MCC: variants seen among roughly 807,000 people sequenced by gnomAD.
The protein encoded by MCC is colorectal mutant cancer protein.
Under a neutral mutation model 116.2 loss-of-function variants are expected in MCC, and 90 were observed. That is an observed-to-expected ratio of 0.77 (90% CI 0.65 to 0.92). The LOEUF (loss-of-function observed/expected upper bound fraction) is 0.92. Among genes scored for constraint, MCC ranks in the 40% least tolerant of loss-of-function variants. The pLI, the probability that MCC is intolerant of heterozygous loss-of-function variation, is 0.00. For missense variants in MCC, 1,516 were observed against 1,312.2 expected (o/e 1.16, Z -2.40); for synonymous variants, 578 against 510.5 (o/e 1.13, Z -1.78).
intron 3 of MCC, among the ~76,000 whole-genome samples, chr5:113,235,552 A>C (rs1764097502): frequency 6.6e-6 from 1 of 152,222 alleles, no homozygotes; most frequent in Admixed American, 6.5e-5. Flanking sequence ...CTGAGTGGGG[A>C]AACACAAATA....
chr5:113,408,935 T>G (rs947048033), intron 1 of MCC, among the ~76,000 whole-genome samples: 2 of 152,210 alleles, frequency 1.3e-5, no homozygotes, highest in African/African-American at 4.8e-5. Flanking sequence ...AAGGCTTTAT[T>G]TGAATGAAGT....
At position 113,198,541 on chromosome 5, in the gene MCC, A is replaced by T. The variant is rs1262566796; in HGVS notation, c.628-47119T>A. On this transcript the variant is annotated intron_variant, in intron 3 of 18. Transcript: ENST00000408903. ...GAGACTCTGTCCCTACAAATAATTAAAAAAAAAAAAAAAATAGCCGGGCAT... is the reference window on the plus strand; with the variant it reads ...GAGACTCTGTCCCTACAAATAATTATAAAAAAAAAAAAAATAGCCGGGCAT... 6.0e-3 allele frequency among the ~76,000 whole-genome samples: 258 copies of T among 42,668 alleles called. 1 individual carries two copies. In the African/African-American group the frequency reaches 0.083, roughly 14 times the overall value. The allele number at this position is 42,668 out of a possible 152,430, so 28.0% of individuals were successfully genotyped here. A position where few individuals can be genotyped will look rare whatever the true frequency, so the allele number is the denominator to read the frequency against.
chr5:113,153,471 G>T (rs1292217216), intron 3 of MCC, among the ~76,000 whole-genome samples: 1 of 152,194 alleles, frequency 6.6e-6, no homozygotes, highest in African/African-American at 2.4e-5. Flanking sequence ...AGAGCACCGG[G>T]CTTAGAGTGA....
intron 17 of MCC, among the ~76,000 whole-genome samples, chr5:113,032,809 A>T (rs565204236): frequency 5.3e-5 from 8 of 152,218 alleles, no homozygotes; most frequent in Non-Finnish European, 1.2e-4. Context: ...GCCAGCCAAA[A>T]CAGCAAACCC....
chr5:113,408,480 C>A (rs528273633), intron 1 of MCC, among the ~76,000 whole-genome samples: 3 of 152,190 alleles, frequency 2.0e-5, no homozygotes, highest in Non-Finnish European at 4.4e-5. Flanking sequence ...TCAGCCCAAT[C>A]TTTACCTGAC....
chr5:113,085,381 G>A (rs562899637), intron 8 of MCC, 71 bp from the exon 9 acceptor site: 3 of 1,463,848 alleles, frequency 2.0e-6, no homozygotes, highest in South Asian at 2.6e-5. Flanking sequence ...CAGATGGGTA[G>A]GTGGTGGGGC....
At chr5:113,192,546 G>A (rs557819058) in intron 3 of MCC, among the ~76,000 whole-genome samples, 1 of 152,322 alleles carries the variant, frequency 6.6e-6, no homozygotes, top group Admixed American at 6.5e-5. Context: ...ACATGCATGG[G>A]CTTTGGATCG....
At chr5:113,468,146 C>G (rs575973262) in intron 1 of MCC, among the ~76,000 whole-genome samples, 1 of 152,164 alleles carries the variant, frequency 6.6e-6, no homozygotes, top group Non-Finnish European at 1.5e-5. Context: ...ATCTGACTTC[C>G]TCTTTTCCTA....
At chr5:113,433,824 G>C in intron 1 of MCC, 2 of 1,613,966 alleles carry the variant, frequency 1.2e-6, no homozygotes, top group Non-Finnish European at 1.7e-6. Flanking sequence ...CAGGATCTCC[G>C]ACTGCCTGGA....
chr5:113,268,704 G>A (rs941316489), intron 3 of MCC, among the ~76,000 whole-genome samples: 7 of 152,102 alleles, frequency 4.6e-5, no homozygotes, highest in African/African-American at 1.7e-4. Context: ...GAAGCTGCTG[G>A]CAAAACAAAA....
At chr5:113,388,352 G>A (rs887149987) in intron 1 of MCC, among the ~76,000 whole-genome samples, 1 of 152,196 alleles carries the variant, frequency 6.6e-6, no homozygotes, top group East Asian at 1.9e-4. Context: ...TAACAAGCCT[G>A]CAGGGGAATT....
chr5:113,458,122 C>G (rs1051786286), intron 1 of MCC, among the ~76,000 whole-genome samples: 1 of 152,158 alleles, frequency 6.6e-6, no homozygotes, highest in South Asian at 2.1e-4. Context: ...GCAGGCTGCC[C>G]GAGCTAGCAG....
In MCC at chr5:113,399,491, AT is replaced by A. The variant is rs374478441; in HGVS notation, c.171-14280del. On this transcript the variant is annotated intron_variant, in intron 1 of 18. Coordinates refer to ENST00000408903, the MANE Select transcript of MCC (RefSeq NM_001085377.2). ...CAGAGCAAGACTCTGTCTCAAAAAAATAAATAAATAAATAAAAGTCAGTTAT... is the reference window on the plus strand; with the variant it reads ...CAGAGCAAGACTCTGTCTCAAAAAAAAAATAAATAAATAAAAGTCAGTTAT... Among the ~76,000 whole-genome samples the A allele has an allele frequency of 1.8e-3, 269 of 152,284 alleles. 6 individuals carry two copies. In the East Asian group the frequency reaches 0.02, roughly 11 times the overall value.
chr5:113,078,867 C>T (rs184764866), intron 11 of MCC, among the ~76,000 whole-genome samples: 23 of 152,304 alleles, frequency 1.5e-4, no homozygotes, highest in Admixed American at 6.5e-4. Context: ...GGAAGTCAAA[C>T]TGTCCCTGTT....
At chr5:113,296,928 A>G (rs1401579272) in intron 3 of MCC, among the ~76,000 whole-genome samples, 1 of 152,202 alleles carries the variant, frequency 6.6e-6, no homozygotes, top group Non-Finnish European at 1.5e-5. Flanking sequence ...AAGAAAAGTA[A>G]TCTGTTCCAA....
intron 1 of MCC, among the ~76,000 whole-genome samples, chr5:113,389,020 T>C (rs917494461): frequency 1.3e-5 from 2 of 152,196 alleles, no homozygotes; most frequent in African/African-American, 2.4e-5. Context: ...TTAACAACGC[T>C]TTTATATCAA....
At chr5:113,065,187 T>C (rs1004041175) in intron 13 of MCC, among the ~76,000 whole-genome samples, 4 of 152,134 alleles carry the variant, frequency 2.6e-5, no homozygotes, top group African/African-American at 9.7e-5. Context: ...TGATGTAAAC[T>C]ATGGGCTCTG....
At chr5:113,272,132 A>G (rs1765639278) in intron 3 of MCC, among the ~76,000 whole-genome samples, 1 of 152,186 alleles carries the variant, frequency 6.6e-6, no homozygotes, top group Non-Finnish European at 1.5e-5. Flanking sequence ...TTTTGCTTGC[A>G]CCAAAAGGGA....
At chr5:113,190,311 A>G (rs1762090059) in intron 3 of MCC, among the ~76,000 whole-genome samples, 1 of 152,190 alleles carries the variant, frequency 6.6e-6, no homozygotes, top group Admixed American at 6.5e-5. Flanking sequence ...TAAAAGGTCT[A>G]CCGGAAAGGA....
Sources: allele counts gnomAD v4.1 joint callset (sites outside exome capture counted in the v4.1 genomes callset), GRCh38; gene constraint gnomAD v4.1.1; transcripts MANE v1.5; gene names NCBI Gene and HGNC (gene_info 2026-07-23, HGNC 2026-07-21).